The following ACVR2A variants were observed in gnomAD, a reference collection of about 807,000 sequenced individuals.
ACVR2A encodes activin A receptor type 2A.
ACVR2A carries 7 observed loss-of-function variants against 61.4 expected under a neutral mutation model. The observed-to-expected ratio is 0.11, with a 90% CI of 0.06 to 0.21. The LOEUF (loss-of-function observed/expected upper bound fraction) is 0.21, where lower values mean the gene tolerates loss of function less well. ACVR2A is among the 10% of genes least tolerant of loss of function. The pLI, the probability that ACVR2A is intolerant of heterozygous loss-of-function variation, is 1.00. For missense variants in ACVR2A, 322 were observed against 621.7 expected (o/e 0.52, Z 5.13); for synonymous variants, 193 against 208.3 (o/e 0.93, Z 0.63).
intron 4 of ACVR2A, among the ~76,000 whole-genome samples, chr2:147,910,096 A>G (rs1206858380): frequency 6.6e-6 from 1 of 152,024 alleles, no homozygotes; most frequent in Non-Finnish European, 1.5e-5. Flanking sequence ...TCATGTACTT[A>G]AGTGAATGTA....
chr2:147,867,287 G>A (rs1685880802), intron 1 of ACVR2A, among the ~76,000 whole-genome samples: 1 of 152,148 alleles, frequency 6.6e-6, no homozygotes, highest in South Asian at 2.1e-4. Flanking sequence ...GATGTAAAGA[G>A]GTGGGGAAGA....
At chr2:147,876,024 G>A (rs889894096) in intron 1 of ACVR2A, among the ~76,000 whole-genome samples, 4 of 152,100 alleles carry the variant, frequency 2.6e-5, no homozygotes, top group Non-Finnish European at 5.9e-5. Context: ...AGAATAGACA[G>A]TGTACTTCTG....
chr2:147,850,051 A>G (rs1685407018), intron 1 of ACVR2A, among the ~76,000 whole-genome samples: 1 of 152,160 alleles, frequency 6.6e-6, no homozygotes, highest in Admixed American at 6.5e-5. Flanking sequence ...ATTATAGGTA[A>G]GGTTGGCAAC....
chr2:147,887,615 CAAAT>C (rs1440020931), intron 1 of ACVR2A, among the ~76,000 whole-genome samples: 3 of 152,082 alleles, frequency 2.0e-5, no homozygotes, highest in African/African-American at 4.8e-5. Context: ...TTTTAATTGA[CAAAT>C]AATTGCATAT....
chr2:147,860,704 G>A (rs561255210), intron 1 of ACVR2A, among the ~76,000 whole-genome samples: 1 of 152,284 alleles, frequency 6.6e-6, no homozygotes, highest in East Asian at 1.9e-4. Context: ...ATAGTAGACA[G>A]GTTGGTTAAT....
chr2:147,898,154 A>G (rs559547437), intron 2 of ACVR2A: 1 of 152,284 alleles, frequency 6.6e-6, no homozygotes, highest in Non-Finnish European at 1.5e-5. Flanking sequence ...GGTAATTACT[A>G]TACCATCTTT....
At position 147,928,065 on chromosome 2, in the gene ACVR2A, GTGC is replaced by G. The variant is rs940538648; in HGVS notation, c.*794_*796del. On this transcript the variant is annotated 3_prime_UTR_variant, in exon 11 of 11. Transcript: ENST00000241416. ...CTGGCTTGTAATGTAGGGAAAAAAA[GTGC>G]TGTTTTTTGAAAAGATGGTGTCATT... The G allele has an allele frequency of 6.6e-6, 1 of 152,266 alleles. No homozygotes were observed. Among genetic ancestry groups the G allele is most frequent in the Non-Finnish European group, 1.5e-5 (1 of 67,886 alleles). 9.4% of individuals were successfully genotyped at this position (152,266 alleles called of 1,614,324 possible). A position where few individuals can be genotyped will look rare whatever the true frequency, so the allele number is the denominator to read the frequency against.
chr2:147,893,149 G>A (rs566686122), intron 1 of ACVR2A, among the ~76,000 whole-genome samples: 83 of 152,144 alleles, frequency 5.5e-4, no homozygotes, highest in African/African-American at 1.9e-3. Context: ...TTATGTAAAT[G>A]GAATCATACG....
intron 1 of ACVR2A, among the ~76,000 whole-genome samples, chr2:147,863,430 G>A (rs1004398763): frequency 5.3e-5 from 8 of 152,134 alleles, no homozygotes; most frequent in African/African-American, 1.9e-4. Flanking sequence ...TGAAAATCCA[G>A]ATATAACTTT....
chr2:147,872,026 C>G (rs968161368), intron 1 of ACVR2A, among the ~76,000 whole-genome samples: 3 of 151,938 alleles, frequency 2.0e-5, no homozygotes, highest in African/African-American at 2.4e-5. Context: ...GTTCTTTTAC[C>G]CAACATAGTG....
chr2:147,898,039 A>G (rs1428680398), intron 2 of ACVR2A, among the ~76,000 whole-genome samples: 2 of 152,168 alleles, frequency 1.3e-5, no homozygotes, highest in Non-Finnish European at 2.9e-5. Context: ...ACCTAAAGAC[A>G]ATACTCCAGC....
At chr2:147,879,634 G>A (rs1686247519) in intron 1 of ACVR2A, among the ~76,000 whole-genome samples, 1 of 152,180 alleles carries the variant, frequency 6.6e-6, no homozygotes, top group Non-Finnish European at 1.5e-5. Flanking sequence ...TGTGAGTTGA[G>A]GCTAAAGAAG....
rs1212641152 is a variant in ACVR2A, at chr2:147,930,687, T to A, written c.*3413T>A. 6.6e-6 allele frequency: 1 copy of A among 152,460 alleles called. No individual in the cohort carries two copies. The highest frequency in any genetic ancestry group is 2.4e-5 in the African/African-American group (1 of 41,428). The allele number at this position is 152,460 out of a possible 1,614,324, so 9.4% of individuals were successfully genotyped here. A position where few individuals can be genotyped will look rare whatever the true frequency, so the allele number is the denominator to read the frequency against. Reference sequence around the variant, plus strand: ...CTACTGTCAAATCGTACTTGCTATTTTTTCTGCAAGTATTTAACAGAAAGC... The same window carrying A: ...CTACTGTCAAATCGTACTTGCTATTATTTCTGCAAGTATTTAACAGAAAGC... On this transcript the variant is annotated 3_prime_UTR_variant, in exon 11 of 11. Coordinates refer to ENST00000241416, the MANE Select transcript of ACVR2A (RefSeq NM_001616.5).
chr2:147,866,741 T>C (rs1204714145), intron 1 of ACVR2A, among the ~76,000 whole-genome samples: 1 of 152,208 alleles, frequency 6.6e-6, no homozygotes, highest in East Asian at 1.9e-4. Context: ...CATTCAATGC[T>C]TTAGAATGAA....
In ACVR2A at chr2:147,894,841, T is replaced by G. The variant is rs1205201321; in HGVS notation, c.56-1460T>G. On this transcript the variant is annotated intron_variant, in intron 1 of 10. Coordinates refer to ENST00000241416, the MANE Select transcript of ACVR2A (RefSeq NM_001616.5). The stretch of plus-strand genomic sequence containing the variant: ...TACCCAAGTCTAAATAGCCATAGGT[T>G]GTTAGTTTACAACTCAGTCATACGT... 7.9e-5 allele frequency among the ~76,000 whole-genome samples: 12 copies of G among 152,176 alleles called. 1 individual carries two copies. Among genetic ancestry groups the G allele is most frequent in the Admixed American group, 7.9e-4 (12 of 15,276 alleles).
At position 147,930,351 on chromosome 2, in the gene ACVR2A, TTTTG is replaced by T. The variant is rs1185067482; in HGVS notation, c.*3081_*3084del. 1.7e-5 allele frequency: 2 copies of T among 119,864 alleles called. No individual in the cohort carries two copies. Among genetic ancestry groups the T allele is most frequent in the Non-Finnish European group, 3.4e-5 (2 of 59,532 alleles). The allele number at this position is 119,864 out of a possible 1,614,324, so 7.4% of individuals were successfully genotyped here. A position where few individuals can be genotyped will look rare whatever the true frequency, so the allele number is the denominator to read the frequency against. On this transcript the variant is annotated 3_prime_UTR_variant, in exon 11 of 11. Coordinates refer to ENST00000241416, the MANE Select transcript of ACVR2A (RefSeq NM_001616.5). ...AGTGGAATAAACTGATTACTGGTTT[TTTTG>T]TTTTTTTTTTTTTTTTTAAAGAAAG...
intron 10 of ACVR2A, among the ~76,000 whole-genome samples, chr2:147,926,493 GACA>G (rs1322325938): frequency 6.6e-6 from 1 of 151,928 alleles, no homozygotes; most frequent in African/African-American, 2.4e-5. Context: ...CTTCCAATAT[GACA>G]ACATTTTAAA....
chr2:147,887,550 T>C (rs966547867), intron 1 of ACVR2A, among the ~76,000 whole-genome samples: 1 of 152,220 alleles, frequency 6.6e-6, no homozygotes, highest in African/African-American at 2.4e-5. Context: ...CTAACTCATA[T>C]ATCTTCTCTG....
chr2:147,920,028 T>G (rs1687342063), intron 7 of ACVR2A, among the ~76,000 whole-genome samples: 1 of 152,142 alleles, frequency 6.6e-6, no homozygotes, highest in African/African-American at 2.4e-5. Flanking sequence ...TTGTCCATGT[T>G]ATGAATAGGG....
Sources: gnomAD v4.1 joint callset for allele counts (sites outside exome capture counted in the v4.1 genomes callset) on GRCh38, gnomAD v4.1.1 for gene constraint, MANE v1.5 for transcripts, NCBI Gene and HGNC (gene_info 2026-07-23, HGNC 2026-07-21) for gene names.